Variants in DGKB observed in about 807,000 individuals in gnomAD.
DGKB encodes the protein diacylglycerol kinase beta.
A neutral mutation model predicts 114.3 loss-of-function variants in DGKB; 67 were observed. The observed-to-expected ratio is 0.59, with a 90% CI of 0.48 to 0.72. The LOEUF (loss-of-function observed/expected upper bound fraction) is 0.72. DGKB is among the 30% of genes least tolerant of loss of function. The pLI is 0.00. For missense variants in DGKB, 907 were observed against 975.2 expected (o/e 0.93, Z 0.93); for synonymous variants, 398 against 323.1 (o/e 1.23, Z -2.49).
At position 14,338,514 on chromosome 7, in the gene DGKB, C is replaced by T; in HGVS notation, c.2122+1G>A. ...TAACAACTAATTGTTAGAAAACTGACCTTGACTTGCAAACTTCAACTCTTT... is the reference window on the plus strand; with the variant it reads ...TAACAACTAATTGTTAGAAAACTGATCTTGACTTGCAAACTTCAACTCTTT... On this transcript the variant is annotated splice_donor_variant, in intron 23 of 25. Coordinates refer to ENST00000402815, the MANE Select transcript of DGKB (RefSeq NM_001350709.2). LOFTEE classifies it high-confidence loss of function. 1 of 1,552,702 alleles carries T rather than the reference C, an allele frequency of 6.4e-7. No homozygotes were observed. Among genetic ancestry groups the T allele is most frequent in the Non-Finnish European group, 8.7e-7 (1 of 1,152,324 alleles).
At chr7:14,184,903 C>T (rs1783174193) in intron 23 of DGKB, among the ~76,000 whole-genome samples, 1 of 152,102 alleles carries the variant, frequency 6.6e-6, no homozygotes, top group Non-Finnish European at 1.5e-5. Flanking sequence ...CTATTACAAA[C>T]TCACAGCCAA....
At position 14,771,977 on chromosome 7, in the gene DGKB, T is replaced by C. The variant is rs62448724; in HGVS notation, c.71-14246A>G. On this transcript the variant is annotated intron_variant, in intron 2 of 25. Transcript: ENST00000402815. Reference sequence around the variant, plus strand: ...ATCTTAACCTGAACACTCCTTTCCATTGATCCCAGGTCTCCAGATAAACTC... The same window carrying C: ...ATCTTAACCTGAACACTCCTTTCCACTGATCCCAGGTCTCCAGATAAACTC... Among the ~76,000 whole-genome samples the C allele has an allele frequency of 7.0e-3, 1,071 of 152,286 alleles. 6 individuals are homozygous for C. The highest frequency in any genetic ancestry group is 0.012 in the Non-Finnish European group (807 of 68,020).
chr7:14,464,749 C>A (rs1274625627), intron 21 of DGKB, among the ~76,000 whole-genome samples: 1 of 152,158 alleles, frequency 6.6e-6, no homozygotes, highest in East Asian at 1.9e-4. Flanking sequence ...CTCCTTAAAG[C>A]TGAGAAATGA....
At chr7:14,368,781 G>A (rs59447920) in intron 21 of DGKB, among the ~76,000 whole-genome samples, 32,516 of 151,922 alleles carry the variant, frequency 0.21, 3,589 homozygotes, top group Middle Eastern at 0.29. Context: ...GATTAGATAC[G>A]CAAGATAATT....
At chr7:14,334,439 T>A (rs1810327496) in intron 23 of DGKB, among the ~76,000 whole-genome samples, 1 of 151,758 alleles carries the variant, frequency 6.6e-6, no homozygotes, top group Non-Finnish European at 1.5e-5. Flanking sequence ...TATATATGCA[T>A]CTACCTATAT....
chr7:14,230,056 C>A (rs1365734000), intron 23 of DGKB, among the ~76,000 whole-genome samples: 1 of 151,868 alleles, frequency 6.6e-6, no homozygotes, highest in African/African-American at 2.4e-5. Flanking sequence ...TTGTTGCATC[C>A]TTTTTTTCTA....
At chr7:14,919,092 ACAAACACAC>A (rs1784389840) in intron 1 of DGKB, among the ~76,000 whole-genome samples, 1 of 129,122 alleles carries the variant, frequency 7.7e-6, no homozygotes, top group African/African-American at 2.8e-5. Context: ...ACACACACAC[ACAAACACAC>A]ACACACACAC....
In DGKB at chr7:14,694,210, T is replaced by C; in HGVS notation, c.592-16A>G. On this transcript the variant is annotated splice_polypyrimidine_tract_variant and intron_variant, in intron 8 of 25. Transcript: ENST00000402815. ...CATGGAGGATCTGGAGTAGAGGAGA[T>C]AAGGGAAAATTGGTGGTCAACCAAT... is the stretch of plus-strand genomic sequence containing the variant. 1.3e-6 allele frequency: 2 copies of C among 1,552,462 alleles called. No homozygotes were observed. Among genetic ancestry groups the C allele is most frequent in the Non-Finnish European group, 8.7e-7 (1 of 1,148,000 alleles).
rs1219412647 is a variant in DGKB, at chr7:14,187,167, A to G, written c.2123-9016T>C. ...TAATCACAAAATTAAAATGAAGTAC[A>G]AAGCTCCCATTTATAATACCATGTG... is the stretch of plus-strand genomic sequence containing the variant. On this transcript the variant is annotated intron_variant, in intron 23 of 25. Transcript: ENST00000402815. 2.0e-5 allele frequency among the ~76,000 whole-genome samples: 3 copies of G among 152,236 alleles called. No homozygotes were observed. In the East Asian group the frequency reaches 5.8e-4, roughly 29 times the overall value.
At chr7:14,871,959 T>C (rs1587064518) in intron 1 of DGKB, among the ~76,000 whole-genome samples, 2 of 152,310 alleles carry the variant, frequency 1.3e-5, no homozygotes, top group East Asian at 3.9e-4. Flanking sequence ...AAAGCTTCTA[T>C]GATTTATACG....
At chr7:14,633,895 T>A (rs555407020) in intron 13 of DGKB, among the ~76,000 whole-genome samples, 82 of 151,706 alleles carry the variant, frequency 5.4e-4, no homozygotes, top group African/African-American at 1.9e-3. Flanking sequence ...AAGAATTTTT[T>A]AAAATTCTAT....
intron 1 of DGKB, among the ~76,000 whole-genome samples, chr7:14,898,872 A>G (rs762048077): frequency 8.5e-5 from 13 of 152,170 alleles, no homozygotes; most frequent in Non-Finnish European, 1.6e-4. Flanking sequence ...CATATTGCCA[A>G]TCAAAAATAA....
At chr7:14,236,334 T>A (rs1792770377) in intron 23 of DGKB, among the ~76,000 whole-genome samples, 1 of 117,622 alleles carries the variant, frequency 8.5e-6, no homozygotes, top group African/African-American at 3.9e-5. Flanking sequence ...AGAGTATTCA[T>A]TCCAATTAAT....
At chr7:14,617,420 A>G (rs1261038223) in intron 15 of DGKB, among the ~76,000 whole-genome samples, 2 of 151,552 alleles carry the variant, frequency 1.3e-5, no homozygotes, top group Non-Finnish European at 3.0e-5. Context: ...ATTCCTCAAA[A>G]TATATGTAGA....
intron 1 of DGKB, among the ~76,000 whole-genome samples, chr7:14,915,548 G>A (rs1259984662): frequency 6.6e-6 from 1 of 152,116 alleles, no homozygotes; most frequent in Non-Finnish European, 1.5e-5. Flanking sequence ...CAAAGACAAA[G>A]AGAAAATATT....
At position 14,695,665 on chromosome 7, in the gene DGKB, G is replaced by A. The variant is rs1880545; in HGVS notation, c.592-1471C>T. Among the ~76,000 whole-genome samples, 1,032 of 151,368 alleles carry A rather than the reference G, an allele frequency of 6.8e-3. 10 individuals are homozygous for A. The highest frequency in any genetic ancestry group is 0.023 in the African/African-American group (957 of 41,290). On this transcript the variant is annotated intron_variant, in intron 8 of 25. Coordinates refer to ENST00000402815, the MANE Select transcript of DGKB (RefSeq NM_001350709.2). ...CAGGCGTCCGCCACTACGCCCGGCT[G>A]ATTTTTTTTGTGTGTGTATTTTTAG...
chr7:14,605,956 G>A (rs1359906443), intron 17 of DGKB, among the ~76,000 whole-genome samples: 1 of 152,062 alleles, frequency 6.6e-6, no homozygotes, highest in Non-Finnish European at 1.5e-5. Flanking sequence ...GCCACACAGA[G>A]GTGAAACTGT....
intron 21 of DGKB, among the ~76,000 whole-genome samples, chr7:14,389,370 G>A (rs374560078): frequency 7.2e-5 from 11 of 152,264 alleles, no homozygotes; most frequent in African/African-American, 2.6e-4. Context: ...ATTCAGTCAG[G>A]CGATTAAATT....
At chr7:14,790,163 T>C (rs749969437) in intron 2 of DGKB, among the ~76,000 whole-genome samples, 2 of 152,242 alleles carry the variant, frequency 1.3e-5, no homozygotes, top group South Asian at 4.1e-4. Flanking sequence ...ACTTCGAATT[T>C]TGCGAGTTCA....
Sources: allele counts gnomAD v4.1 joint callset (sites outside exome capture counted in the v4.1 genomes callset), GRCh38; gene constraint gnomAD v4.1.1; transcripts MANE v1.5; gene names NCBI Gene and HGNC (gene_info 2026-07-23, HGNC 2026-07-21).